ERC1: variants seen among roughly 807,000 people sequenced by gnomAD.
The protein encoded by ERC1 is ELKS/RAB6-interacting/CAST family member 1.
In ERC1, 56 loss-of-function variants were observed where a neutral mutation model predicts 132.0. That is an observed-to-expected ratio of 0.42 (90% CI 0.34 to 0.53). ERC1 has a LOEUF of 0.53. ERC1 is among the 20% of genes least tolerant of loss of function. ERC1 has a pLI of 0.03. For missense variants in ERC1, 1,202 were observed against 1,349.9 expected, an observed-to-expected ratio of 0.89 and a Z score of 1.72; for synonymous variants, 478 against 476.1, an observed-to-expected ratio of 1.00 and a Z score of -0.05.
At chr12:1,485,448 C>T (rs1440048643) in intron 18 of ERC1, among the ~76,000 whole-genome samples, 2 of 152,026 alleles carry the variant, frequency 1.3e-5, no homozygotes, top group Admixed American at 6.6e-5. Flanking sequence ...TGTGATCTGC[C>T]CACCTTGGCC....
At chr12:1,158,645 G>A (rs1277621321) in intron 8 of ERC1, among the ~76,000 whole-genome samples, 1 of 149,144 alleles carries the variant, frequency 6.7e-6, no homozygotes, top group Non-Finnish European at 1.5e-5. Context: ...TAGAGATGGG[G>A]TTTCTCCATG....
chr12:1,115,069 A>G (rs533392231), intron 6 of ERC1, among the ~76,000 whole-genome samples: 8 of 152,338 alleles, frequency 5.3e-5, no homozygotes, highest in Admixed American at 5.2e-4. Context: ...GACTTGTCAA[A>G]TGTATACTTC....
intron 8 of ERC1, among the ~76,000 whole-genome samples, chr12:1,166,123 A>G (rs1952401857): frequency 6.6e-6 from 1 of 152,140 alleles, no homozygotes; most frequent in South Asian, 2.1e-4. Flanking sequence ...GGTCGAAATG[A>G]TGTGGTTTGG....
chr12:1,429,302 A>G (rs2092726436), intron 17 of ERC1, among the ~76,000 whole-genome samples: 1 of 152,232 alleles, frequency 6.6e-6, no homozygotes, highest in Non-Finnish European at 1.5e-5. Context: ...AACATCTTAC[A>G]TTTGGTCACA....
chr12:1,495,906 G>C lies in ERC1; in HGVS notation c.*5676G>C, dbSNP rs761997704. ...TTTTATTCACAAACTAAATCCACCA[G>C]GAAATTATAAAGTTATTTAAAAACC... On this transcript the variant is annotated 3_prime_UTR_variant, in exon 19 of 19. Transcript: ENST00000360905. 4 of 183,834 alleles carry C rather than the reference G, an allele frequency of 2.2e-5. No individual in the cohort carries two copies. The highest frequency in any genetic ancestry group is 4.7e-5 in the African/African-American group (2 of 42,528). 11.4% of individuals were successfully genotyped at this position (183,834 alleles called of 1,614,324 possible).
chr12:1,034,126 T>G (rs979556847), intron 2 of ERC1, among the ~76,000 whole-genome samples: 2 of 152,212 alleles, frequency 1.3e-5, no homozygotes, highest in African/African-American at 4.8e-5. Flanking sequence ...TATGTAATGG[T>G]GTATACTAGT....
chr12:1,325,528 C>T (rs963596956), intron 15 of ERC1, among the ~76,000 whole-genome samples: 10 of 152,074 alleles, frequency 6.6e-5, no homozygotes, highest in African/African-American at 1.4e-4. Context: ...ATGAATGAGG[C>T]ATGTTTCATA....
intron 18 of ERC1, among the ~76,000 whole-genome samples, chr12:1,469,972 C>T (rs986439988): frequency 2.6e-5 from 4 of 151,642 alleles, no homozygotes; most frequent in African/African-American, 9.7e-5. Context: ...GAGCAGCCCA[C>T]GGGACCCTAG....
chr12:1,159,129 C>T (rs540175066), intron 8 of ERC1, among the ~76,000 whole-genome samples: 3 of 152,254 alleles, frequency 2.0e-5, no homozygotes, highest in African/African-American at 7.2e-5. Context: ...TTGATTTCCT[C>T]TCAGGTAGCA....
intron 18 of ERC1, among the ~76,000 whole-genome samples, chr12:1,476,221 A>G (rs2093971131): frequency 6.7e-6 from 1 of 148,936 alleles, no homozygotes; most frequent in Non-Finnish European, 1.5e-5. Context: ...ACGCCACTAC[A>G]CTCCAGCCAG....
At chr12:1,284,979 T>C (rs1182600939) in intron 14 of ERC1, among the ~76,000 whole-genome samples, 1 of 152,244 alleles carries the variant, frequency 6.6e-6, no homozygotes, top group Non-Finnish European at 1.5e-5. Context: ...ATGTCAAACA[T>C]TTTTCATATA....
At chr12:1,488,430 G>C (rs796633940) in intron 18 of ERC1, among the ~76,000 whole-genome samples, 2 of 151,418 alleles carry the variant, frequency 1.3e-5, no homozygotes, top group Non-Finnish European at 3.0e-5. Flanking sequence ...AGGAGCTCAC[G>C]ACTGTAAGCA....
At chr12:1,378,311 T>C (rs1403762643) in intron 16 of ERC1, among the ~76,000 whole-genome samples, 1 of 152,230 alleles carries the variant, frequency 6.6e-6, no homozygotes, top group Non-Finnish European at 1.5e-5. Flanking sequence ...TAATTGATTC[T>C]TACATGTCAG....
chr12:1,287,905 A>G (rs1447481073), intron 14 of ERC1, among the ~76,000 whole-genome samples: 1 of 152,184 alleles, frequency 6.6e-6, no homozygotes, highest in East Asian at 1.9e-4. Context: ...CCAAGCATTT[A>G]TTTCTCGTTC....
intron 3 of ERC1, among the ~76,000 whole-genome samples, chr12:1,098,851 G>T (rs537041253): frequency 2.4e-4 from 37 of 152,198 alleles, no homozygotes; most frequent in Non-Finnish European, 4.4e-4. Flanking sequence ...AAAAAGGTTA[G>T]AACTGATCAC....
chr12:1,233,890 CTT>C (rs2075239153), intron 12 of ERC1, among the ~76,000 whole-genome samples: 1 of 151,554 alleles, frequency 6.6e-6, no homozygotes, highest in Non-Finnish European at 1.5e-5. Context: ...AAGAAATAAA[CTT>C]TGATTCAAAT....
rs114159353 is a variant in ERC1, at chr12:1,300,395, C to T, written c.2780+10383C>T. 7.4e-3 allele frequency among the ~76,000 whole-genome samples: 1,121 copies of T among 151,572 alleles called. 17 individuals carry two copies. The highest frequency in any genetic ancestry group is 0.026 in the African/African-American group (1,070 of 41,388). ...GACAACCTAGGCAATACCATGGGCGCGGGCAAGGATTTCATGACAAAGACG... is the reference window on the plus strand; with the variant it reads ...GACAACCTAGGCAATACCATGGGCGTGGGCAAGGATTTCATGACAAAGACG... On this transcript the variant is annotated intron_variant, in intron 15 of 18. Transcript: ENST00000360905.
In ERC1 at chr12:1,250,094, A is replaced by G. The variant is rs545962001; in HGVS notation, c.2488-12940A>G. On this transcript the variant is annotated intron_variant, in intron 13 of 18. Coordinates refer to ENST00000360905, the MANE Select transcript of ERC1 (RefSeq NM_178040.4). ...TTGCACCTGGCATTTGGAGCCTCCT[A>G]TTAAAGCAAGCTCTGTTTTAACCTC... Among the ~76,000 whole-genome samples, 4 of 152,292 alleles carry G rather than the reference A, an allele frequency of 2.6e-5. No homozygotes were observed. The East Asian group carries it at 7.7e-4, about 29-fold the overall frequency.
chr12:1,217,065 G>T (rs890589599), intron 12 of ERC1, among the ~76,000 whole-genome samples: 1 of 152,128 alleles, frequency 6.6e-6, no homozygotes, highest in South Asian at 2.1e-4. Flanking sequence ...AAAGTGCTCC[G>T]TGCTTTCCTC....
Sources: allele counts gnomAD v4.1 joint callset (sites outside exome capture counted in the v4.1 genomes callset), GRCh38; gene constraint gnomAD v4.1.1; transcripts MANE v1.5; gene names NCBI Gene and HGNC (gene_info 2026-07-23, HGNC 2026-07-21).